DNMT3A: variants seen among roughly 807,000 people sequenced by gnomAD.
The protein encoded by DNMT3A is DNA methyltransferase 3 alpha, also known as DNA (cytosine-5)-methyltransferase 3A.
In DNMT3A, 267 loss-of-function variants were observed where a neutral mutation model predicts 117.6. The ratio of observed to expected loss-of-function variants is 2.27; its 90% CI spans 2.05 to 2.51. The LOEUF is 2.51. Among genes scored for constraint, DNMT3A ranks in the 30% most tolerant of loss-of-function variants. The pLI is 0.00. For synonymous variants in DNMT3A, 432 were observed against 474.8 expected, an observed-to-expected ratio of 0.91 and a Z score of 1.17; for missense variants, 1,029 against 1,260.2, an observed-to-expected ratio of 0.82 and a Z score of 2.78.
intron 13 of DNMT3A, 72 bp downstream of exon 13, chr2:25,245,181 G>T: frequency 7.0e-7 from 1 of 1,438,582 alleles, no homozygotes; most frequent in Non-Finnish European, 9.7e-7. Context: ...GCCCAGAAGC[G>T]GTGGACACAG....
At chr2:25,302,859 C>T (rs1293441439) in intron 2 of DNMT3A, among the ~76,000 whole-genome samples, 2 of 152,204 alleles carry the variant, frequency 1.3e-5, no homozygotes, top group African/African-American at 4.8e-5. Context: ...CTTGTAAAAT[C>T]ATTAGGGGTC....
At chr2:25,260,805 G>C (rs542604564) in intron 6 of DNMT3A, among the ~76,000 whole-genome samples, 1 of 152,102 alleles carries the variant, frequency 6.6e-6, no homozygotes, top group Admixed American at 6.6e-5. Flanking sequence ...TGAAGGATGC[G>C]GGGTGGTCGC....
Position 25,236,066 on chromosome 2 carries a change from A to G in DNMT3A, c.2479-241T>C, listed in dbSNP as rs574809815. 6.9e-6 allele frequency among the ~76,000 whole-genome samples: 1 copy of G among 145,208 alleles called. No homozygotes were observed. The highest frequency in any genetic ancestry group is 2.5e-5 in the African/African-American group (1 of 39,564). On this transcript the variant is annotated intron_variant, in intron 21 of 22. Transcript: ENST00000321117. The surrounding 1 kb of genome is among the most constrained non-coding windows in gnomAD (Gnocchi z 4.5). ...CAATCTTAGATCCATCTAGCCACAG[A>G]CTTTTTTTTTTTTTTTTGAGACGGA... is the stretch of plus-strand genomic sequence containing the variant.
intron 6 of DNMT3A, among the ~76,000 whole-genome samples, chr2:25,264,273 G>A (rs2030021224): frequency 6.6e-6 from 1 of 151,146 alleles, no homozygotes; most frequent in African/African-American, 2.4e-5. Flanking sequence ...CCAAGTAGCT[G>A]GGATTACAGG....
rs549224977 is a variant in DNMT3A, at chr2:25,299,151, G to A, written c.177+988C>T. 1.4e-4 allele frequency among the ~76,000 whole-genome samples: 22 copies of A among 152,238 alleles called. 1 individual carries two copies. Among genetic ancestry groups the A allele is most frequent in the African/African-American group, 5.3e-4 (22 of 41,462 alleles). Reference sequence around the variant, plus strand: ...TAAAAGAAAGGAACCAGCTGTCTCTGGTGCTGGGAAATAATGACTGCTCCA... The same window carrying A: ...TAAAAGAAAGGAACCAGCTGTCTCTAGTGCTGGGAAATAATGACTGCTCCA... On this transcript the variant is annotated intron_variant, in intron 3 of 22. Coordinates refer to ENST00000321117, the MANE Select transcript of DNMT3A (RefSeq NM_022552.5).
intron 1 of DNMT3A, among the ~76,000 whole-genome samples, chr2:25,340,153 C>G (rs1458221893): frequency 6.6e-6 from 1 of 152,214 alleles, no homozygotes; most frequent in East Asian, 1.9e-4. Context: ...TCCCGCCTGC[C>G]GCAGGCCAGA....
At chr2:25,307,791 C>A (rs958480237) in intron 2 of DNMT3A, among the ~76,000 whole-genome samples, 1 of 152,182 alleles carries the variant, frequency 6.6e-6, no homozygotes, top group Admixed American at 6.5e-5. Flanking sequence ...ACAGCTGAGC[C>A]TGGCCTTTCC....
chr2:25,272,058 C>T (rs925360266), intron 6 of DNMT3A, among the ~76,000 whole-genome samples: 6 of 152,182 alleles, frequency 3.9e-5, no homozygotes, highest in African/African-American at 1.2e-4. Context: ...ACAATCTCGG[C>T]TCACTGCAAC....
rs1379391700 is a variant in DNMT3A, at chr2:25,252,675, A to T, written c.640-4423T>A. 6.6e-6 allele frequency among the ~76,000 whole-genome samples: 1 copy of T among 151,300 alleles called. No homozygotes were observed. Among genetic ancestry groups the T allele is most frequent in the East Asian group, 2.0e-4 (1 of 5,120 alleles). On this transcript the variant is annotated intron_variant, in intron 6 of 22. Coordinates refer to ENST00000321117, the MANE Select transcript of DNMT3A (RefSeq NM_022552.5). This position sits in a 1 kb window ranked among gnomAD's most constrained non-coding sequence, Gnocchi z 5.5. ...GCTCCCGAGCCGCCTGCCCGGAGGG[A>T]GCCGGGGGTCCGGGCGAAAGCAAGC...
In DNMT3A at chr2:25,247,605, C is replaced by G; in HGVS notation, c.1000G>C (p.Gly334Arg). 1 of 1,614,012 alleles carries G rather than the reference C, an allele frequency of 6.2e-7. No individual in the cohort carries two copies. Among genetic ancestry groups the G allele is most frequent in the South Asian group, 1.1e-5 (1 of 91,054 alleles). ...GTRWVMWFGD[G>R]KFSVVCVEKL... ...CCACAACTTACCACTGAGAATTTGC[C>G]GTCTCCGAACCACATGACCCAGCGG... The change falls in exon 8 of 23, where the codon GGC becomes CGC. Residue 334 changes from glycine (G) to arginine (R), a missense_variant. Gly to Arg is a moderately radical substitution (Grantham distance 125). Transcript: ENST00000321117. The surrounding 1 kb of genome is among the most constrained non-coding windows in gnomAD (Gnocchi z 5.6).
In DNMT3A at chr2:25,339,798, C is replaced by A. The variant is rs546800420; in HGVS notation, c.-178+2028G>T. Reference sequence around the variant, plus strand: ...AGGGTCCCCGGGATGCCTGGCCCCCCAAATCCCACAGGCCAGTCCTAACAC... The same window carrying A: ...AGGGTCCCCGGGATGCCTGGCCCCCAAAATCCCACAGGCCAGTCCTAACAC... On this transcript the variant is annotated intron_variant, in intron 1 of 22. Transcript: ENST00000321117. The surrounding 1 kb of genome is among the most constrained non-coding windows in gnomAD (Gnocchi z 4.9). Among the ~76,000 whole-genome samples the A allele has an allele frequency of 2.6e-5, 4 of 152,338 alleles. No individual in the cohort carries two copies. In the South Asian group the frequency reaches 8.3e-4, roughly 32 times the overall value.
At chr2:25,325,425 G>A (rs564270865) in intron 1 of DNMT3A, among the ~76,000 whole-genome samples, 43 of 152,220 alleles carry the variant, frequency 2.8e-4, no homozygotes, top group Non-Finnish European at 4.0e-4. Context: ...CATCCACAGC[G>A]GAAGCGGCCC....
chr2:25,265,883 CCTGG>C (rs1405294662), intron 6 of DNMT3A, among the ~76,000 whole-genome samples: 4 of 152,100 alleles, frequency 2.6e-5, no homozygotes, highest in Non-Finnish European at 4.4e-5. Flanking sequence ...AGCTAATGCT[CCTGG>C]CATAGTGCCT....
At chr2:25,251,098 G>A (rs564525490) in intron 6 of DNMT3A, among the ~76,000 whole-genome samples, 3 of 151,514 alleles carry the variant, frequency 2.0e-5, no homozygotes, top group African/African-American at 7.3e-5. Flanking sequence ...AGGGCTGGCG[G>A]AGGAGGAAGG....
chr2:25,273,652 G>C (rs1239813152), intron 6 of DNMT3A, among the ~76,000 whole-genome samples: 1 of 152,110 alleles, frequency 6.6e-6, no homozygotes, highest in Non-Finnish European at 1.5e-5. Context: ...TCCCTCCTCA[G>C]TCTTTCAGCC....
At position 25,296,700 on chromosome 2, in the gene DNMT3A, G is replaced by A. The variant is rs1210638604; in HGVS notation, c.177+3439C>T. On this transcript the variant is annotated intron_variant, in intron 3 of 22. Coordinates refer to ENST00000321117, the MANE Select transcript of DNMT3A (RefSeq NM_022552.5). This position sits in a 1 kb window ranked among gnomAD's most constrained non-coding sequence, Gnocchi z 4.2. Reference sequence around the variant, plus strand: ...GGCATGCAAGGGGCAGGTGGAGTCTGGTTTGGGTGAGGGCAATGCCAGGGG... The same window carrying A: ...GGCATGCAAGGGGCAGGTGGAGTCTAGTTTGGGTGAGGGCAATGCCAGGGG... Among the ~76,000 whole-genome samples, 1 of 152,236 alleles carries A rather than the reference G, an allele frequency of 6.6e-6. No homozygotes were observed.
intron 2 of DNMT3A, among the ~76,000 whole-genome samples, chr2:25,309,586 G>A (rs769332622): frequency 1.3e-5 from 2 of 152,172 alleles, no homozygotes; most frequent in African/African-American, 4.8e-5. Flanking sequence ...CCCCCTTCAC[G>A]CAGGAGACAG....
chr2:25,314,207 C>G (rs2034271500), intron 1 of DNMT3A, 46 bp from the exon 2 acceptor site: 29 of 1,400,098 alleles, frequency 2.1e-5, no homozygotes, highest in Non-Finnish European at 2.7e-5. Context: ...ACCCCACCCT[C>G]CCTGGGTCAG....
In DNMT3A at chr2:25,281,106, T is replaced by C. The variant is rs921379143; in HGVS notation, c.448+1335A>G. On this transcript the variant is annotated intron_variant, in intron 4 of 22. Coordinates refer to ENST00000321117, the MANE Select transcript of DNMT3A (RefSeq NM_022552.5). The surrounding 1 kb of genome is among the most constrained non-coding windows in gnomAD (Gnocchi z 4.8). ...CATCTGTTTCACTCCCCTCAGGCCC[T>C]TCCCACTCTCGGGAAGTATCAGAAT... 1.3e-5 allele frequency among the ~76,000 whole-genome samples: 2 copies of C among 152,142 alleles called. No individual in the cohort carries two copies. The highest frequency in any genetic ancestry group is 4.8e-5 in the African/African-American group (2 of 41,430).
Sources: gnomAD v4.1 joint callset for allele counts (sites outside exome capture counted in the v4.1 genomes callset) on GRCh38, gnomAD v4.1.1 for gene constraint, Gnocchi (gnomAD v3.1) non-coding constraint, MANE v1.5 for transcripts, NCBI Gene and HGNC (gene_info 2026-07-23, HGNC 2026-07-21) for gene names.